KCNH6: variants seen among roughly 807,000 people sequenced by gnomAD.
KCNH6 encodes potassium voltage-gated channel subfamily H member 6.
Under a neutral mutation model 83.4 loss-of-function variants are expected in KCNH6, and 81 were observed. The ratio of observed to expected loss-of-function variants is 0.97; its 90% CI spans 0.81 to 1.17. The LOEUF (loss-of-function observed/expected upper bound fraction) is 1.17. Ranked by LOEUF, KCNH6 falls within the 50% of genes most tolerant of loss-of-function variation. The pLI, the probability that KCNH6 is intolerant of heterozygous loss-of-function variation, is 0.00. For missense variants in KCNH6, 1,203 were observed against 1,290.5 expected (o/e 0.93, Z 1.04); for synonymous variants, 503 against 545.6 (o/e 0.92, Z 1.09).
rs1243139336 is a variant in KCNH6 at position 63,535,268 on chromosome 17, C to T, written c.1102-401C>T. 6.6e-6 allele frequency among the ~76,000 whole-genome samples: 1 copy of T among 152,190 alleles called. No individual in the cohort carries two copies. The highest frequency in any genetic ancestry group is 1.5e-5 in the Non-Finnish European group (1 of 68,026). ...GGCTGCAGTGCCACACTCGGTTTCCCACATCGGCCACGCACTTCACACCTC... is the reference window on the plus strand; with the variant it reads ...GGCTGCAGTGCCACACTCGGTTTCCTACATCGGCCACGCACTTCACACCTC... On this transcript the variant is annotated intron_variant, in intron 5 of 12. Transcript: ENST00000314672. The surrounding 1 kb of genome is among the most constrained non-coding windows in gnomAD (Gnocchi z 4.9).
chr17:63,539,939 C>G (rs2032763113), intron 8 of KCNH6, among the ~76,000 whole-genome samples: 1 of 152,216 alleles, frequency 6.6e-6, no homozygotes. Context: ...TCCGACCACC[C>G]TGTCCTACCA....
intron 4 of KCNH6, among the ~76,000 whole-genome samples, chr17:63,531,741 G>A (rs902358372): frequency 6.6e-6 from 1 of 152,218 alleles, no homozygotes; most frequent in Non-Finnish European, 1.5e-5. Context: ...TGCCACTGTT[G>A]GTGGCTACCA....
At chr17:63,525,574 G>A (rs1204930766) in intron 2 of KCNH6, among the ~76,000 whole-genome samples, 1 of 152,162 alleles carries the variant, frequency 6.6e-6, no homozygotes, top group African/African-American at 2.4e-5. Context: ...ATGAGCATGT[G>A]TGTGCTTGCA....
Position 63,546,217 on chromosome 17 carries a change from G to T in KCNH6, c.*315G>T. The T allele has an allele frequency of 5.3e-6, 1 of 189,056 alleles. No homozygotes were observed. Among genetic ancestry groups the T allele is most frequent in the Non-Finnish European group, 1.1e-5 (1 of 92,956 alleles). The allele number at this position is 189,056 out of a possible 1,614,324, so 11.7% of individuals were successfully genotyped here. On this transcript the variant is annotated 3_prime_UTR_variant, in exon 13 of 13. Coordinates refer to ENST00000314672, the MANE Select transcript of KCNH6 (RefSeq NM_001278919.2). ...GCCGCACCACTGCACTCCAGCCTGG[G>T]TGACAGAGTGAGACTCCAACTCAAA...
chr17:63,523,795 C>T lies in KCNH6; in HGVS notation c.76+306C>T, dbSNP rs1371785200. 1.3e-5 allele frequency among the ~76,000 whole-genome samples: 2 copies of T among 152,110 alleles called. No homozygotes were observed. Among genetic ancestry groups the T allele is most frequent in the Non-Finnish European group, 2.9e-5 (2 of 68,022 alleles). On this transcript the variant is annotated intron_variant, in intron 1 of 12. Transcript: ENST00000314672. The surrounding 1 kb of genome is among the most constrained non-coding windows in gnomAD (Gnocchi z 4.2). ...CCACTGCCTGCCCCCTCATCCGCGT[C>T]CTCCAGAGGCTTCTCTGAGTCCTTC...
rs151291355 is a variant in KCNH6, at chr17:63,545,088, C to T, written c.2407C>T (p.Arg803Cys). 1.9e-5 allele frequency: 31 copies of T among 1,612,908 alleles called. No homozygotes were observed. The highest frequency in any genetic ancestry group is 9.3e-5 in the African/African-American group (7 of 74,926). ...GGTTCTGTCTGGCAGGCTGGAGTCC[C>T]GCGTGTCCTCAGACCTCAGCCGCAT... Reference protein sequence around the residue: ...LQAQMNRLESRVSSDLSRILQ... With the variant: ...LQAQMNRLESCVSSDLSRILQ... Residue 803 changes from arginine to cysteine, a missense_variant, in exon 12 of 13, where the codon CGC becomes TGC. Transcript: ENST00000314672.
intron 8 of KCNH6, 132 bp from the exon 9 acceptor site, chr17:63,542,109 C>T (rs2032895139): frequency 1.1e-6 from 1 of 881,010 alleles, no homozygotes; most frequent in Non-Finnish European, 1.8e-6. Flanking sequence ...GCCATGTCCC[C>T]AGAGCTCTAT....
At chr17:63,536,952 C>CAAA (rs60039258) in intron 6 of KCNH6, among the ~76,000 whole-genome samples, 1,147 of 56,552 alleles carry the variant, frequency 0.02, 138 homozygotes, top group African/African-American at 0.068. Flanking sequence ...GACTCCGTCT[C>CAAA]AAAAAAAAAA....
intron 3 of KCNH6, 36 bp downstream of exon 3, chr17:63,530,288 A>G (rs747294594): frequency 1.9e-6 from 3 of 1,613,560 alleles, no homozygotes; most frequent in African/African-American, 1.3e-5. Flanking sequence ...GGAGGGACGC[A>G]TGAGGGTCCC....
In KCNH6 at chr17:63,534,222, G is replaced by A. The variant is rs772866982; in HGVS notation, c.1012G>A (p.Ala338Thr). 39 of 1,613,948 alleles carry A rather than the reference G, an allele frequency of 2.4e-5. No individual in the cohort carries two copies. Among genetic ancestry groups the A allele is most frequent in the Admixed American group, 8.3e-5 (5 of 59,998 alleles). The part of the protein sequence containing the change: ...DEVVSHPRRI[A>T]VHYFKGWFLI... ...GGTGGTCAGCCACCCCCGCCGCATC[G>A]CCGTCCACTACTTCAAGGGCTGGTT... The change falls in exon 5 of 13, where the codon GCC (alanine) becomes ACC (threonine). Residue 338 changes from alanine (A) to threonine (T), a missense_variant. Transcript: ENST00000314672. The surrounding 1 kb of genome is among the most constrained non-coding windows in gnomAD (Gnocchi z 5.0).
chr17:63,545,591 C>T lies in KCNH6; in HGVS notation c.2584-18C>T. ...GCAGCCTGGCCTGGGGTGCATCCCT[C>T]TTTCTTGCTCCTCCCAGACCCCAAG... On this transcript the variant is annotated intron_variant, in intron 12 of 12. Transcript: ENST00000314672. The T allele has an allele frequency of 1.2e-6, 2 of 1,604,622 alleles. No individual in the cohort carries two copies. The highest frequency in any genetic ancestry group is 1.7e-6 in the Non-Finnish European group (2 of 1,174,094).
At chr17:63,527,083 C>T (rs943997397) in intron 2 of KCNH6, among the ~76,000 whole-genome samples, 2 of 152,208 alleles carry the variant, frequency 1.3e-5, no homozygotes, top group African/African-American at 4.8e-5. Flanking sequence ...GAGCCCACCC[C>T]AGCCTGCCTT....
chr17:63,533,948 C>T lies in KCNH6; in HGVS notation c.738C>T (p.Arg246=). Residue 246 remains arginine, a synonymous_variant, in exon 5 of 13, where the codon CGC becomes CGT. Coordinates refer to ENST00000314672, the MANE Select transcript of KCNH6 (RefSeq NM_001278919.2). The surrounding 1 kb of genome is among the most constrained non-coding windows in gnomAD (Gnocchi z 4.1). ...EYKLQAPRIH[R]WTILHYSPFK... ...AGCTGCAGGCGCCGCGCATCCACCG[C>T]TGGACCATCCTGCACTACAGCCCCT... is the stretch of plus-strand genomic sequence containing the variant. The T allele has an allele frequency of 6.2e-7, 1 of 1,614,142 alleles. No individual in the cohort carries two copies. The highest frequency in any genetic ancestry group is 8.5e-7 in the Non-Finnish European group (1 of 1,180,012).
At chr17:63,532,153 T>C (rs2032161184) in intron 4 of KCNH6, among the ~76,000 whole-genome samples, 1 of 152,148 alleles carries the variant, frequency 6.6e-6, no homozygotes, top group South Asian at 2.1e-4. Flanking sequence ...CCTGAGAAGC[T>C]GAGGAACTCT....
In KCNH6 at chr17:63,534,140, G is replaced by A. The variant is rs760552563; in HGVS notation, c.930G>A (p.Met310Ile). Residue 310 changes from methionine to isoleucine, a missense_variant, in exon 5 of 13, where the codon ATG (methionine) becomes ATA (isoleucine). Physicochemically the swap from Met to Ile is conservative, Grantham distance 10 (BLOSUM62 1). Coordinates refer to ENST00000314672, the MANE Select transcript of KCNH6 (RefSeq NM_001278919.2). This position sits in a 1 kb window ranked among gnomAD's most constrained non-coding sequence, Gnocchi z 5.0. ...LTVVDLIVDI[M>I]FVVDIVINFR... Reference sequence around the variant, plus strand: ...TGGTGGATCTCATCGTGGACATCATGTTCGTCGTGGACATCGTCATCAACT... The same window carrying A: ...TGGTGGATCTCATCGTGGACATCATATTCGTCGTGGACATCGTCATCAACT... 2 of 1,590,194 alleles carry A rather than the reference G, an allele frequency of 1.3e-6. No individual in the cohort carries two copies. The highest frequency in any genetic ancestry group is 2.2e-5 in the South Asian group (2 of 90,524).
chr17:63,537,479 G>C (rs768437705), intron 6 of KCNH6, among the ~76,000 whole-genome samples: 1 of 152,162 alleles, frequency 6.6e-6, no homozygotes, highest in Non-Finnish European at 1.5e-5. Flanking sequence ...CTGTCGCCCA[G>C]GCTGGAGCTC....
At chr17:63,540,051 C>T (rs1171127557) in intron 8 of KCNH6, among the ~76,000 whole-genome samples, 4 of 152,196 alleles carry the variant, frequency 2.6e-5, no homozygotes, top group Admixed American at 1.3e-4. Flanking sequence ...CTACCCTGTG[C>T]CAGTCCGGCA....
chr17:63,546,139 C>T lies in KCNH6; in HGVS notation c.*237C>T. On this transcript the variant is annotated 3_prime_UTR_variant, in exon 13 of 13. Coordinates refer to ENST00000314672, the MANE Select transcript of KCNH6 (RefSeq NM_001278919.2). The stretch of plus-strand genomic sequence containing the variant: ...CCTGTAATCCCAGCTACTGGGGAGG[C>T]TGAGGCAGGAGAATGGCATGAACCC... 6.9e-6 allele frequency: 3 copies of T among 433,902 alleles called. No homozygotes were observed. The highest frequency in any genetic ancestry group is 1.3e-5 in the Non-Finnish European group (3 of 239,642). 26.9% of individuals were successfully genotyped at this position (433,902 alleles called of 1,614,324 possible).
In KCNH6 at chr17:63,538,368, A is replaced by G; in HGVS notation, c.1702-42A>G. The G allele has an allele frequency of 1.3e-6, 2 of 1,587,510 alleles. No homozygotes were observed. Among genetic ancestry groups the G allele is most frequent in the Non-Finnish European group, 1.7e-6 (2 of 1,167,616 alleles). ...CCTCACCACCCTCTCCCCCAGCCCC[A>G]CCCCGGCCGCGTCCCGCTGGACTTG... On this transcript the variant is annotated intron_variant, in intron 7 of 12. Coordinates refer to ENST00000314672, the MANE Select transcript of KCNH6 (RefSeq NM_001278919.2). The surrounding 1 kb of genome is among the most constrained non-coding windows in gnomAD (Gnocchi z 4.0).
Sources: gnomAD v4.1 joint callset for allele counts (sites outside exome capture counted in the v4.1 genomes callset) on GRCh38, gnomAD v4.1.1 for gene constraint, Gnocchi (gnomAD v3.1) non-coding constraint, MANE v1.5 for transcripts, NCBI Gene and HGNC (gene_info 2026-07-23, HGNC 2026-07-21) for gene names.